NXPH2: variants seen among roughly 807,000 people sequenced by gnomAD.
The protein encoded by NXPH2 is neurexophilin-2.
In NXPH2, 5 loss-of-function variants were observed where a neutral mutation model predicts 19.8. The observed-to-expected ratio is 0.25, with a 90% confidence interval of 0.13 to 0.53. The LOEUF is 0.53. Among genes scored for constraint, NXPH2 ranks in the 20% least tolerant of loss-of-function variants. The pLI is 0.96. For missense variants in NXPH2, 289 were observed against 322.8 expected (o/e 0.90, Z 0.80); for synonymous variants, 154 against 127.4 (o/e 1.21, Z -1.41).
At chr2:138,694,263 T>G (rs1382230080) in intron 1 of NXPH2, among the ~76,000 whole-genome samples, 1 of 152,222 alleles carries the variant, frequency 6.6e-6, no homozygotes. Flanking sequence ...AAATTAACTC[T>G]AAATTTTTAT....
At position 138,678,486 on chromosome 2, in the gene NXPH2, A is replaced by AT. The variant is rs35276129; in HGVS notation, c.52-6822dup. 7.1e-4 allele frequency among the ~76,000 whole-genome samples: 107 copies of AT among 150,790 alleles called. 1 individual carries two copies. The East Asian group carries it at 0.017, about 24-fold the overall frequency. ...TTAATTCCGTGGCACTTGGTTTAGG[A>AT]TTTTTTTTTTTTAAGTCAGGAACTC... On this transcript the variant is annotated intron_variant, in intron 1 of 1. Coordinates refer to ENST00000272641, the MANE Select transcript of NXPH2 (RefSeq NM_007226.3).
intron 1 of NXPH2, among the ~76,000 whole-genome samples, chr2:138,710,735 T>A (rs1202054811): frequency 1.3e-5 from 2 of 152,226 alleles, no homozygotes; most frequent in East Asian, 3.8e-4. Flanking sequence ...CTAAGACTTC[T>A]GTTTCTATGC....
chr2:138,772,169 A>T (rs1296534150), intron 1 of NXPH2, among the ~76,000 whole-genome samples: 1 of 152,136 alleles, frequency 6.6e-6, no homozygotes, highest in Non-Finnish European at 1.5e-5. Context: ...TGAGATCCTG[A>T]AAAGTTAGAG....
intron 1 of NXPH2, among the ~76,000 whole-genome samples, chr2:138,695,593 AAAG>A (rs1369910670): frequency 2.0e-5 from 3 of 152,176 alleles, no homozygotes; most frequent in African/African-American, 7.2e-5. Flanking sequence ...TTCAGAAATA[AAAG>A]AATAATATTA....
At chr2:138,688,237 G>C (rs1364363264) in intron 1 of NXPH2, among the ~76,000 whole-genome samples, 1 of 152,162 alleles carries the variant, frequency 6.6e-6, no homozygotes, top group East Asian at 1.9e-4. Flanking sequence ...AGCCTGGAGT[G>C]CAACGGCACA....
At chr2:138,690,857 G>T (rs1680735285) in intron 1 of NXPH2, among the ~76,000 whole-genome samples, 1 of 152,228 alleles carries the variant, frequency 6.6e-6, no homozygotes, top group Non-Finnish European at 1.5e-5. Context: ...AAAATAAGTA[G>T]AAACCATGGA....
intron 1 of NXPH2, among the ~76,000 whole-genome samples, chr2:138,723,715 G>A (rs1484409208): frequency 2.0e-5 from 3 of 152,094 alleles, no homozygotes; most frequent in African/African-American, 4.8e-5. Context: ...CATTATTTCC[G>A]CTTCTCAGAG....
intron 1 of NXPH2, among the ~76,000 whole-genome samples, chr2:138,673,636 G>T (rs1306637525): frequency 1.3e-5 from 2 of 151,428 alleles, no homozygotes; most frequent in East Asian, 3.9e-4. Flanking sequence ...TTAAAAAAAT[G>T]GGATTAATTT....
intron 1 of NXPH2, among the ~76,000 whole-genome samples, chr2:138,743,904 G>A (rs1681686137): frequency 6.6e-6 from 1 of 150,776 alleles, no homozygotes; most frequent in Admixed American, 6.6e-5. Flanking sequence ...TGGAGAGGCT[G>A]AGGCAGGAGG....
intron 1 of NXPH2, among the ~76,000 whole-genome samples, chr2:138,756,409 A>C (rs1405134170): frequency 6.6e-6 from 1 of 152,002 alleles, no homozygotes; most frequent in Non-Finnish European, 1.5e-5. Context: ...GACACACTTG[A>C]AAAGAAATCT....
At chr2:138,727,702 C>A (rs1681380842) in intron 1 of NXPH2, among the ~76,000 whole-genome samples, 1 of 151,944 alleles carries the variant, frequency 6.6e-6, no homozygotes, top group Admixed American at 6.6e-5. Context: ...CATTTTCTCC[C>A]AGTCTGTAGC....
intron 1 of NXPH2, among the ~76,000 whole-genome samples, chr2:138,719,891 C>T (rs560291472): frequency 6.6e-6 from 1 of 152,268 alleles, no homozygotes; most frequent in East Asian, 1.9e-4. Flanking sequence ...TTCTATCCCA[C>T]TGCTCTATTT....
chr2:138,684,278 T>G (rs1181837573), intron 1 of NXPH2, among the ~76,000 whole-genome samples: 1 of 152,104 alleles, frequency 6.6e-6, no homozygotes, highest in Non-Finnish European at 1.5e-5. Context: ...AGTAATACTC[T>G]AATGAGACTC....
At chr2:138,688,072 G>A (rs1680688565) in intron 1 of NXPH2, among the ~76,000 whole-genome samples, 1 of 152,184 alleles carries the variant, frequency 6.6e-6, no homozygotes, top group Admixed American at 6.5e-5. Flanking sequence ...CCAATTCTGT[G>A]AAGAAAGTCG....
intron 1 of NXPH2, among the ~76,000 whole-genome samples, chr2:138,726,670 T>C (rs1345260123): frequency 6.6e-6 from 1 of 152,036 alleles, no homozygotes; most frequent in Non-Finnish European, 1.5e-5. Context: ...ACAGCAAAAT[T>C]GAGCAGCAAG....
Position 138,734,390 on chromosome 2 carries a change from A to G in NXPH2, c.51+45801T>C, listed in dbSNP as rs72988946. On this transcript the variant is annotated intron_variant, in intron 1 of 1. Coordinates refer to ENST00000272641, the MANE Select transcript of NXPH2 (RefSeq NM_007226.3). ...TATTCTGAACATTGGGGATACAAAG[A>G]TAAATAAAGCTGAATTTCTGTTGTC... 4.7e-3 allele frequency among the ~76,000 whole-genome samples: 721 copies of G among 152,332 alleles called. 7 individuals are homozygous for G. Among genetic ancestry groups the G allele is most frequent in the African/African-American group, 0.013 (547 of 41,564 alleles).
In NXPH2 at chr2:138,670,837, T is replaced by A. The variant is rs1680402398; in HGVS notation, c.*85A>T. ...TGTTCACTGCCAGAAACAAAAGGGA[T>A]CCTTTATCATAAAGAGCTGGGCTTG... On this transcript the variant is annotated 3_prime_UTR_variant, in exon 2 of 2. Coordinates refer to ENST00000272641, the MANE Select transcript of NXPH2 (RefSeq NM_007226.3). 1 of 1,396,852 alleles carries A rather than the reference T, an allele frequency of 7.2e-7. No homozygotes were observed. The highest frequency in any genetic ancestry group is 1.4e-5 in the African/African-American group (1 of 69,534). The allele number at this position is 1,396,852 out of a possible 1,614,324, so 86.5% of individuals were successfully genotyped here.
intron 1 of NXPH2, among the ~76,000 whole-genome samples, chr2:138,756,348 C>T (rs1447013165): frequency 6.6e-6 from 1 of 151,964 alleles, no homozygotes; most frequent in East Asian, 1.9e-4. Context: ...GCAGAAACCA[C>T]ACTTACTCTA....
chr2:138,690,540 T>C (rs925559615), intron 1 of NXPH2, among the ~76,000 whole-genome samples: 1 of 151,642 alleles, frequency 6.6e-6, no homozygotes, highest in Non-Finnish European at 1.5e-5. Context: ...CTCACTGCTA[T>C]ATACTCACTG....
Sources: allele counts gnomAD v4.1 joint callset (sites outside exome capture counted in the v4.1 genomes callset), GRCh38; gene constraint gnomAD v4.1.1; transcripts MANE v1.5; gene names NCBI Gene and HGNC (gene_info 2026-07-23, HGNC 2026-07-21).